The following SAMD4A variants were observed in gnomAD, a reference collection of about 807,000 sequenced individuals.
SAMD4A encodes the protein sterile alpha motif domain containing 4A, also known as protein Smaug homolog 1.
A neutral mutation model predicts 81.3 loss-of-function variants in SAMD4A; 33 were observed. The ratio of observed to expected loss-of-function variants is 0.41; its 90% CI spans 0.31 to 0.54. The LOEUF is 0.54. Ranked by LOEUF, SAMD4A falls within the 20% of genes least tolerant of loss-of-function variation. The probability of loss-of-function intolerance (pLI) is 0.37; values close to 1 mark genes in which losing one functional copy is unlikely to be tolerated. For synonymous variants in SAMD4A, 389 were observed against 382.1 expected, an observed-to-expected ratio of 1.02 and a Z score of -0.21; for missense variants, 854 against 951.1, an observed-to-expected ratio of 0.90 and a Z score of 1.34.
intron 2 of SAMD4A, among the ~76,000 whole-genome samples, chr14:54,690,964 A>G (rs949183799): frequency 1.6e-4 from 25 of 151,800 alleles, no homozygotes; most frequent in African/African-American, 6.1e-4. Flanking sequence ...TCCTCCATAG[A>G]GTTTAGAAGG....
chr14:54,663,100 G>C (rs559724637), intron 2 of SAMD4A, among the ~76,000 whole-genome samples: 43 of 152,330 alleles, frequency 2.8e-4, no homozygotes, highest in Non-Finnish European at 5.3e-4. Flanking sequence ...TTAAGAATGG[G>C]CTTAACTGAA....
chr14:54,701,521 C>T (rs975360076), intron 2 of SAMD4A, among the ~76,000 whole-genome samples: 3 of 152,236 alleles, frequency 2.0e-5, no homozygotes, highest in African/African-American at 7.2e-5. Context: ...AGTCTTACTG[C>T]ACAGAGATGA....
At chr14:54,723,007 G>A (rs1029149109) in intron 3 of SAMD4A, among the ~76,000 whole-genome samples, 3 of 151,932 alleles carry the variant, frequency 2.0e-5, no homozygotes, top group Non-Finnish European at 4.4e-5. Flanking sequence ...ACCCCATCTG[G>A]TACCTTGTGA....
chr14:54,761,612 A>G (rs2038400397), intron 7 of SAMD4A, among the ~76,000 whole-genome samples: 1 of 152,202 alleles, frequency 6.6e-6, no homozygotes, highest in Non-Finnish European at 1.5e-5. Flanking sequence ...GAATTACAAG[A>G]TGGTGCCCTG....
intron 2 of SAMD4A, among the ~76,000 whole-genome samples, chr14:54,595,134 C>G (rs1223760737): frequency 6.6e-6 from 1 of 152,162 alleles, no homozygotes; most frequent in African/African-American, 2.4e-5. Context: ...ATACCTTCCT[C>G]TCTTCCATCT....
chr14:54,739,423 G>A (rs1263887963), intron 4 of SAMD4A, among the ~76,000 whole-genome samples: 3 of 151,442 alleles, frequency 2.0e-5, no homozygotes, highest in African/African-American at 7.3e-5. Context: ...ATGGCCTGCT[G>A]TATTTCCACC....
intron 2 of SAMD4A, among the ~76,000 whole-genome samples, chr14:54,687,674 C>G (rs1421687867): frequency 1.3e-5 from 2 of 152,174 alleles, no homozygotes; most frequent in Non-Finnish European, 2.9e-5. Flanking sequence ...AGCTTCAGCA[C>G]TGTTCACGGT....
chr14:54,661,633 A>G (rs1450169460), intron 2 of SAMD4A, among the ~76,000 whole-genome samples: 2 of 152,172 alleles, frequency 1.3e-5, no homozygotes, highest in East Asian at 1.9e-4. Context: ...TGTGCATGCA[A>G]GTTGGCTTTG....
intron 2 of SAMD4A, among the ~76,000 whole-genome samples, chr14:54,633,794 A>G (rs1049581174): frequency 6.6e-6 from 1 of 152,094 alleles, no homozygotes; most frequent in Non-Finnish European, 1.5e-5. Context: ...GTAATTTCAC[A>G]TTTTCATATG....
chr14:54,680,454 A>G (rs1423285484), intron 2 of SAMD4A, among the ~76,000 whole-genome samples: 3 of 152,198 alleles, frequency 2.0e-5, no homozygotes, highest in Admixed American at 1.3e-4. Flanking sequence ...TAGGGTTGCA[A>G]TATGGGTATT....
At chr14:54,730,479 A>G (rs1290009945) in intron 3 of SAMD4A, among the ~76,000 whole-genome samples, 1 of 152,198 alleles carries the variant, frequency 6.6e-6, no homozygotes, top group Non-Finnish European at 1.5e-5. Flanking sequence ...GCTTTGTAGC[A>G]TGTTCTCTCT....
chr14:54,565,410 G>A (rs570182041), upstream of SAMD4A, among the ~76,000 whole-genome samples: 3 of 152,350 alleles, frequency 2.0e-5, no homozygotes, highest in Admixed American at 6.5e-5. The surrounding 1 kb of genome is among the most constrained non-coding windows in gnomAD (Gnocchi z 5.4). Context: ...GCCAGGCGCC[G>A]GGCCGGCCTC....
At chr14:54,574,803 C>T (rs1323819103) in intron 2 of SAMD4A, among the ~76,000 whole-genome samples, 1 of 152,158 alleles carries the variant, frequency 6.6e-6, no homozygotes, top group Non-Finnish European at 1.5e-5. Context: ...GTGTCGTAGA[C>T]CAGTTCTCAA....
intron 2 of SAMD4A, chr14:54,668,737 C>T (rs1157245144): frequency 1.3e-5 from 2 of 152,224 alleles, no homozygotes; most frequent in Admixed American, 1.3e-4. Context: ...TTCTGGTTTT[C>T]TTCCTATAAC....
At chr14:54,628,769 A>G (rs1328347719) in intron 2 of SAMD4A, among the ~76,000 whole-genome samples, 1 of 152,206 alleles carries the variant, frequency 6.6e-6, no homozygotes, top group Non-Finnish European at 1.5e-5. Context: ...CCTCAAAGTT[A>G]TGTAGCTTGT....
chr14:54,767,126 G>T (rs2038568395), intron 8 of SAMD4A, among the ~76,000 whole-genome samples: 2 of 152,124 alleles, frequency 1.3e-5, no homozygotes, highest in South Asian at 4.1e-4. Flanking sequence ...GGCTTTTTAT[G>T]ATTTTACTTT....
At chr14:54,765,935 C>T (rs904773078) in intron 8 of SAMD4A, among the ~76,000 whole-genome samples, 9 of 152,136 alleles carry the variant, frequency 5.9e-5, no homozygotes, top group Non-Finnish European at 1.2e-4. Context: ...TCCTCTTGGC[C>T]GTATGGATTC....
intron 2 of SAMD4A, among the ~76,000 whole-genome samples, chr14:54,624,008 C>T (rs1290391417): frequency 6.6e-6 from 1 of 152,040 alleles, no homozygotes; most frequent in East Asian, 1.9e-4. Flanking sequence ...GATGGAGTCT[C>T]ACTCTTGCTC....
chr14:54,723,133 C>A (rs1165787491), intron 3 of SAMD4A, among the ~76,000 whole-genome samples: 1 of 151,368 alleles, frequency 6.6e-6, no homozygotes, highest in Non-Finnish European at 1.5e-5. Context: ...AGGTGTTTCT[C>A]TTAGGTCTGC....
Sources: gnomAD v4.1 joint callset for allele counts (sites outside exome capture counted in the v4.1 genomes callset) on GRCh38, gnomAD v4.1.1 for gene constraint, Gnocchi (gnomAD v3.1) non-coding constraint, MANE v1.5 for transcripts, NCBI Gene and HGNC (gene_info 2026-07-23, HGNC 2026-07-21) for gene names.